Variants in CEP85L observed in about 807,000 individuals in gnomAD.
The protein encoded by CEP85L is centrosomal protein of 85 kDa-like.
CEP85L carries 60 observed loss-of-function variants against 100.3 expected under a neutral mutation model. The ratio of observed to expected loss-of-function variants is 0.60; its 90% CI spans 0.49 to 0.74. The LOEUF (loss-of-function observed/expected upper bound fraction) is 0.74, where lower values mean the gene tolerates loss of function less well. Ranked by LOEUF, CEP85L falls within the 30% of genes least tolerant of loss-of-function variation. The pLI, the probability that CEP85L is intolerant of heterozygous loss-of-function variation, is 0.00. For missense variants in CEP85L, 973 were observed against 936.2 expected (o/e 1.04, Z -0.51); for synonymous variants, 319 against 322.7 (o/e 0.99, Z 0.12).
chr6:118,559,147 C>A, intron 3 of CEP85L: 1 of 1,176,858 alleles, frequency 8.5e-7, no homozygotes, highest in South Asian at 1.2e-5. Flanking sequence ...CCCATGCAGA[C>A]AGGAAAACAA....
intron 4 of CEP85L, among the ~76,000 whole-genome samples, chr6:118,519,371 G>A (rs758486104): frequency 3.3e-5 from 5 of 151,234 alleles, no homozygotes; most frequent in South Asian, 2.1e-4. Context: ...CCCGGGAGGC[G>A]GAGGTTGCAG....
chr6:118,709,396 A>G (rs1056005306), intron 1 of CEP85L, among the ~76,000 whole-genome samples: 5 of 152,140 alleles, frequency 3.3e-5, no homozygotes, highest in Non-Finnish European at 7.3e-5. Context: ...TTGGGAAGTG[A>G]CACATGCTGG....
rs1398138002 is a variant in CEP85L at position 118,692,105 on chromosome 6, C to T, written c.-28+17931G>A. 2.0e-5 allele frequency among the ~76,000 whole-genome samples: 3 copies of T among 152,216 alleles called. No homozygotes were observed. The East Asian group carries it at 5.8e-4, about 29-fold the overall frequency. On this transcript the variant is annotated intron_variant, in intron 1 of 13. Coordinates refer to the CEP85L transcript ENST00000368488. ...GGCTGAGGTGTATGGAAGCTCCCAT[C>T]CCTTTCTGGGTCTTAATGATGACAA...
chr6:118,523,965 G>A, intron 3 of CEP85L, 45 bp from the exon 4 acceptor site: 5 of 758,260 alleles, frequency 6.6e-6, no homozygotes, highest in Admixed American at 2.8e-5. Context: ...AATATTTAAA[G>A]AAAATATTTA....
At chr6:118,549,134 T>G (rs1186451882) in intron 3 of CEP85L, among the ~76,000 whole-genome samples, 1 of 151,868 alleles carries the variant, frequency 6.6e-6, no homozygotes, top group Admixed American at 6.6e-5. Flanking sequence ...AATAATTTGA[T>G]ACTTTAAAAA....
intron 2 of CEP85L, among the ~76,000 whole-genome samples, chr6:118,579,187 C>T (rs924737846): frequency 7.2e-5 from 11 of 152,108 alleles, no homozygotes; most frequent in African/African-American, 1.7e-4. Context: ...TGAGCCACCA[C>T]GCCTGGCTGA....
intron 3 of CEP85L, among the ~76,000 whole-genome samples, chr6:118,533,730 CAT>C (rs1235377758): frequency 3.3e-5 from 5 of 152,298 alleles, no homozygotes; most frequent in African/African-American, 1.2e-4. Context: ...CCAATCCAGA[CAT>C]AGAGCTATAC....
intron 2 of CEP85L, among the ~76,000 whole-genome samples, chr6:118,610,272 C>G (rs1772520838): frequency 6.6e-6 from 1 of 152,158 alleles, no homozygotes; most frequent in Admixed American, 6.5e-5. Context: ...TTCTGGGAAC[C>G]TACACCCATG....
At chr6:118,672,812 A>G (rs991662698) in intron 1 of CEP85L, among the ~76,000 whole-genome samples, 2 of 151,376 alleles carry the variant, frequency 1.3e-5, no homozygotes. Context: ...AGGAGGAAGG[A>G]GAAGGAGGAG....
chr6:118,524,199 G>A (rs371188088), intron 3 of CEP85L, among the ~76,000 whole-genome samples: 29 of 152,186 alleles, frequency 1.9e-4, no homozygotes, highest in African/African-American at 6.7e-4. Flanking sequence ...GGTGGCTCAC[G>A]CCTGTAATCC....
chr6:118,582,462 C>T (rs567514402), intron 2 of CEP85L, among the ~76,000 whole-genome samples: 2 of 152,264 alleles, frequency 1.3e-5, no homozygotes, highest in South Asian at 2.1e-4. Context: ...AAGCAACATG[C>T]CTCCTGTAGC....
At position 118,483,554 on chromosome 6, in the gene CEP85L, A is replaced by G. The variant is rs180839616; in HGVS notation, c.1590+152T>C. ...ATTAACTGACAAGAAAGATCTACTT[A>G]TGCATGCTTAGATAAACAAAGTTTC... On this transcript the variant is annotated intron_variant, in intron 7 of 12. Coordinates refer to ENST00000368491, the MANE Select transcript of CEP85L (RefSeq NM_001042475.3). 101 of 637,794 alleles carry G rather than the reference A, an allele frequency of 1.6e-4. No individual in the cohort carries two copies. In the African/African-American group the frequency reaches 1.8e-3, roughly 11 times the overall value. 39.5% of individuals were successfully genotyped at this position (637,794 alleles called of 1,614,324 possible).
rs1183322907 is a variant in CEP85L, at chr6:118,632,623, A to C, written c.74-12T>G. The C allele has an allele frequency of 6.2e-7, 1 of 1,603,266 alleles. No individual in the cohort carries two copies. Among genetic ancestry groups the C allele is most frequent in the Non-Finnish European group, 8.5e-7 (1 of 1,176,388 alleles). On this transcript the variant is annotated splice_polypyrimidine_tract_variant and intron_variant, in intron 1 of 12. Coordinates refer to ENST00000368491, the MANE Select transcript of CEP85L (RefSeq NM_001042475.3). Reference sequence around the variant, plus strand: ...TGAATAATCTGGGCCTAAAAAGGGAAATATGTAACAGTTAACACATATATC... The same window carrying C: ...TGAATAATCTGGGCCTAAAAAGGGACATATGTAACAGTTAACACATATATC...
chr6:118,489,927 A>G (rs765087198), intron 6 of CEP85L, among the ~76,000 whole-genome samples: 1 of 150,368 alleles, frequency 6.7e-6, no homozygotes, highest in Non-Finnish European at 1.5e-5. Context: ...AATGTTATAT[A>G]CACACACACA....
intron 2 of CEP85L, among the ~76,000 whole-genome samples, chr6:118,590,906 G>C (rs1447140416): frequency 1.3e-5 from 2 of 152,122 alleles, no homozygotes; most frequent in African/African-American, 2.4e-5. Context: ...AAACCGGCGA[G>C]ACAAAGGACC....
chr6:118,608,277 C>T (rs1022988224), intron 2 of CEP85L, among the ~76,000 whole-genome samples: 13 of 152,068 alleles, frequency 8.5e-5, no homozygotes, highest in Non-Finnish European at 1.3e-4. Context: ...AGGCGGATCA[C>T]GAGGTCAGGA....
intron 2 of CEP85L, among the ~76,000 whole-genome samples, chr6:118,595,101 T>C (rs1457821893): frequency 2.6e-5 from 4 of 152,150 alleles, no homozygotes. Flanking sequence ...AGCAAGATTA[T>C]GCTATGTACA....
chr6:118,619,135 CG>C (rs1482864525), intron 2 of CEP85L, among the ~76,000 whole-genome samples: 1 of 151,758 alleles, frequency 6.6e-6, no homozygotes, highest in African/African-American at 2.4e-5. Flanking sequence ...ACCAGGGGTG[CG>C]GGCATACCTG....
chr6:118,491,381 T>A, intron 6 of CEP85L: 2 of 804,550 alleles, frequency 2.5e-6, no homozygotes, highest in Non-Finnish European at 3.2e-6. Context: ...ATGCCCAACA[T>A]GACAAAAAAA....
Sources: allele counts gnomAD v4.1 joint callset (sites outside exome capture counted in the v4.1 genomes callset), GRCh38; gene constraint gnomAD v4.1.1; transcripts MANE v1.5; gene names NCBI Gene and HGNC (gene_info 2026-07-23, HGNC 2026-07-21).